Variants in CFAP70 observed in about 807,000 individuals in gnomAD.
CFAP70 encodes the protein cilia- and flagella-associated protein 70.
Under a neutral mutation model 137.6 loss-of-function variants are expected in CFAP70, and 81 were observed. That is an observed-to-expected ratio of 0.59 (90% CI 0.49 to 0.71). The LOEUF is 0.71. Among genes scored for constraint, CFAP70 ranks in the 30% least tolerant of loss-of-function variants. The pLI is 0.00. For synonymous variants in CFAP70, 382 were observed against 423.6 expected (o/e 0.90, Z 1.20); for missense variants, 976 against 1,226.7 (o/e 0.80, Z 3.05).
chr10:73,336,878 G>A (rs947985338), intron 6 of CFAP70, among the ~76,000 whole-genome samples: 4 of 151,882 alleles, frequency 2.6e-5, no homozygotes, highest in East Asian at 1.9e-4. Flanking sequence ...GCCCGGCCGC[G>A]TTATACTATT....
intron 26 of CFAP70, among the ~76,000 whole-genome samples, chr10:73,254,632 G>A (rs372227380): frequency 2.0e-5 from 3 of 152,308 alleles, no homozygotes; most frequent in African/African-American, 7.2e-5. Context: ...GCCACCCAAT[G>A]AAATGTAAAC....
chr10:73,294,970 C>G (rs1179407795), intron 15 of CFAP70: 3 of 152,258 alleles, frequency 2.0e-5, no homozygotes, highest in African/African-American at 7.2e-5. Flanking sequence ...TTCTCCCACT[C>G]TGCTGACTTT....
intron 19 of CFAP70, among the ~76,000 whole-genome samples, chr10:73,287,577 C>T (rs1181018677): frequency 6.6e-6 from 1 of 152,082 alleles, no homozygotes; most frequent in Non-Finnish European, 1.5e-5. Flanking sequence ...TGCATGGCCT[C>T]AATATGTTTA....
intron 19 of CFAP70, among the ~76,000 whole-genome samples, chr10:73,288,244 T>C (rs2047897358): frequency 6.6e-6 from 1 of 152,022 alleles, no homozygotes; most frequent in African/African-American, 2.4e-5. Flanking sequence ...TTTTGAAGCA[T>C]GCGGGGGAAA....
intron 1 of CFAP70, among the ~76,000 whole-genome samples, chr10:73,355,607 C>T (rs935684568): frequency 6.6e-6 from 1 of 152,150 alleles, no homozygotes; most frequent in African/African-American, 2.4e-5. Flanking sequence ...GAAACCCCAT[C>T]TCTACTAAAA....
chr10:73,300,737 C>T (rs1035214323), intron 12 of CFAP70, among the ~76,000 whole-genome samples: 1 of 152,088 alleles, frequency 6.6e-6, no homozygotes, highest in African/African-American at 2.4e-5. Flanking sequence ...GTGGTGTGTG[C>T]CTATAGTTCC....
At chr10:73,289,606 T>C (rs2048014363) in intron 19 of CFAP70, among the ~76,000 whole-genome samples, 1 of 151,970 alleles carries the variant, frequency 6.6e-6, no homozygotes. Context: ...AAATAACATA[T>C]ATAGAGAAGA....
chr10:73,283,643 C>T (rs2047429163), intron 19 of CFAP70, among the ~76,000 whole-genome samples: 1 of 152,196 alleles, frequency 6.6e-6, no homozygotes, highest in African/African-American at 2.4e-5. Flanking sequence ...ATTATTAACA[C>T]AGCTACTCCA....
rs1323699796 is a variant in CFAP70, at chr10:73,257,013, C to T, written c.3028-597G>A. Reference sequence around the variant, plus strand: ...AAAGCACCATGAGTCATTTGTTCCTCTTAGGACTGAAGCCATTCTGTTAAT... The same window carrying T: ...AAAGCACCATGAGTCATTTGTTCCTTTTAGGACTGAAGCCATTCTGTTAAT... On this transcript the variant is annotated intron_variant, in intron 25 of 26. Transcript: ENST00000310715. Among the ~76,000 whole-genome samples the T allele has an allele frequency of 2.6e-5, 4 of 151,590 alleles. No homozygotes were observed. The East Asian group carries it at 7.7e-4, about 29-fold the overall frequency.
intron 9 of CFAP70, among the ~76,000 whole-genome samples, chr10:73,322,757 G>A (rs1489610617): frequency 2.0e-5 from 3 of 152,142 alleles, no homozygotes; most frequent in Non-Finnish European, 4.4e-5. Flanking sequence ...CCTGTTGATA[G>A]AGATTTAGGT....
chr10:73,267,528 C>T lies in CFAP70; in HGVS notation c.3027+2086G>A, dbSNP rs932512223. Among the ~76,000 whole-genome samples, 23 of 152,106 alleles carry T rather than the reference C, an allele frequency of 1.5e-4. 2 individuals carry two copies. In the East Asian group the frequency reaches 3.5e-3, roughly 23 times the overall value. On this transcript the variant is annotated intron_variant, in intron 25 of 26. Coordinates refer to ENST00000310715, the Ensembl canonical transcript of CFAP70. ...GGGTGGAGAAATGAGAAAGAGACTC[C>T]GTCTCTTGATGGGAGTGAGTGGCAA...
Position 73,279,523 on chromosome 10 carries a change from CAATAAATAAATAAATA to C in CFAP70, c.2240-1202_2240-1187del, listed in dbSNP as rs35709122. 3.2e-3 allele frequency among the ~76,000 whole-genome samples: 410 copies of C among 129,398 alleles called. 2 individuals carry two copies. The highest frequency in any genetic ancestry group is 8.0e-3 in the African/African-American group (279 of 34,834). The allele number at this position is 129,398 out of a possible 152,430, so 84.9% of individuals were successfully genotyped here. On this transcript the variant is annotated intron_variant, in intron 19 of 26. Transcript: ENST00000310715. ...TGGGCGACAGAGCAAGACTCTGTCT[CAATAAATAAATAAATA>C]AATAAATAAATAAATAAATAAATAA...
At chr10:73,278,503 G>C (rs2046969476) in intron 19 of CFAP70, among the ~76,000 whole-genome samples, 166 bp from the exon 21 acceptor site, 1 of 152,130 alleles carries the variant, frequency 6.6e-6, no homozygotes, top group South Asian at 2.1e-4. Context: ...AATTTAAAGA[G>C]TATAAGCTAA....
intron 25 of CFAP70, among the ~76,000 whole-genome samples, chr10:73,266,211 C>A (rs556450032): frequency 6.6e-6 from 1 of 152,052 alleles, no homozygotes; most frequent in East Asian, 1.9e-4. Context: ...CACTTCTTTG[C>A]GTTAATCTTC....
intron 7 of CFAP70, among the ~76,000 whole-genome samples, chr10:73,332,197 G>A (rs996871015): frequency 2.0e-5 from 3 of 152,138 alleles, no homozygotes; most frequent in African/African-American, 7.2e-5. Flanking sequence ...CAAATTGCTG[G>A]AGGCTAAATG....
Position 73,346,043 on chromosome 10 carries a change from C to T in CFAP70, c.350-929G>A, listed in dbSNP as rs568856260. On this transcript the variant is annotated intron_variant, in intron 4 of 26. Coordinates refer to ENST00000310715, the Ensembl canonical transcript of CFAP70. ...CCTCCTGAGTAGCTGGGAGTACAGG[C>T]GCATGCCACCATGCCCAGCTAATTT... Among the ~76,000 whole-genome samples the T allele has an allele frequency of 5.3e-5, 8 of 151,210 alleles. No individual in the cohort carries two copies. The East Asian group carries it at 8.3e-4, about 16-fold the overall frequency.
At chr10:73,268,682 TTG>T (rs201504172) in intron 25 of CFAP70, among the ~76,000 whole-genome samples, 2 of 143,450 alleles carry the variant, frequency 1.4e-5, no homozygotes, top group Non-Finnish European at 3.0e-5. Flanking sequence ...CTCTTTTTAT[TTG>T]TTTTTCTTCT....
At chr10:73,281,449 GTGAGTTATTTAGAAGTGTATA>G (rs2047251146) in intron 19 of CFAP70, among the ~76,000 whole-genome samples, 1 of 151,624 alleles carries the variant, frequency 6.6e-6, no homozygotes, top group Admixed American at 6.6e-5. Context: ...TTGGAGACCT[GTGAGTTATTTAGAAGTGTATA>G]TTTCCAAATA....
chr10:73,299,665 C>T, exon 13 of CFAP70: 1 of 1,609,846 alleles, frequency 6.2e-7, no homozygotes, highest in Non-Finnish European at 8.5e-7. Context: ...TTTCCTTGAC[C>T]CTGTATCAGG....
Sources: gnomAD v4.1 joint callset for allele counts (sites outside exome capture counted in the v4.1 genomes callset) on GRCh38, gnomAD v4.1.1 for gene constraint, MANE v1.5 for transcripts, NCBI Gene and HGNC (gene_info 2026-07-23, HGNC 2026-07-21) for gene names.